MYLK: variants seen among roughly 807,000 people sequenced by gnomAD.
MYLK encodes the protein myosin light chain kinase, smooth muscle.
In MYLK, 106 loss-of-function variants were observed where a neutral mutation model predicts 203.4. The observed-to-expected ratio is 0.52, with a 90% CI of 0.45 to 0.61. The LOEUF (loss-of-function observed/expected upper bound fraction) is 0.61. Ranked by LOEUF, MYLK falls within the 20% of genes least tolerant of loss-of-function variation. MYLK has a pLI of 0.00. For missense variants in MYLK, 2,072 were observed against 2,442.3 expected (o/e 0.85, Z 3.20); for synonymous variants, 867 against 959.5 (o/e 0.90, Z 1.78).
rs140650595 is a variant in MYLK at position 123,632,401 on chromosome 3, C to A, written c.4962-2775G>T. Among the ~76,000 whole-genome samples the A allele has an allele frequency of 9.2e-5, 14 of 152,286 alleles. No homozygotes were observed. In the East Asian group the frequency reaches 2.7e-3, roughly 29 times the overall value. On this transcript the variant is annotated intron_variant, in intron 29 of 33. Coordinates refer to ENST00000360304, the MANE Select transcript of MYLK (RefSeq NM_053025.4). Reference sequence around the variant, plus strand: ...AAGATGGCAGGAAAAGCAAACAACCCTGCTGTGGAATGCAGAAAGTTCCCC... The same window carrying A: ...AAGATGGCAGGAAAAGCAAACAACCATGCTGTGGAATGCAGAAAGTTCCCC...
chr3:123,634,168 A>G (rs1267858987), intron 29 of MYLK, among the ~76,000 whole-genome samples: 2 of 152,194 alleles, frequency 1.3e-5, no homozygotes, highest in Admixed American at 6.5e-5. Context: ...AGAGCTGTGC[A>G]TCATTTTGTG....
intron 20 of MYLK, among the ~76,000 whole-genome samples, chr3:123,667,405 C>T (rs574788734): frequency 6.6e-6 from 1 of 152,112 alleles, no homozygotes; most frequent in South Asian, 2.1e-4. Flanking sequence ...AGTTTGAGAC[C>T]AGCCTGGCCA....
At position 123,707,941 on chromosome 3, in the gene MYLK, C is replaced by G; in HGVS notation, c.2203G>C (p.Gly735Arg). Residue 735 changes from glycine (G) to arginine (R), a missense_variant, in exon 16 of 34, where the codon GGC becomes CGC. Physicochemically the swap from Gly to Arg is moderately radical, Grantham distance 125 (BLOSUM62 -2). Transcript: ENST00000360304. ...SKPRSVTASLGQSVLISCAIA... is the reference protein window; with the variant it reads ...SKPRSVTASLRQSVLISCAIA... ...GCGCAGGAGATGAGGACACTCTGGC[C>G]CAGGGAGGCTGTCACTGAGCGAGGC... 1 of 1,614,112 alleles carries G rather than the reference C, an allele frequency of 6.2e-7. No individual in the cohort carries two copies. Among genetic ancestry groups the G allele is most frequent in the Non-Finnish European group, 8.5e-7 (1 of 1,180,020 alleles).
chr3:123,734,971 T>G, intron 9 of MYLK: 2 of 302,712 alleles, frequency 6.6e-6, no homozygotes, highest in South Asian at 3.4e-5. Context: ...GTTCGTGTGG[T>G]TTAAGCCCTC....
chr3:123,701,505 G>T lies in MYLK; in HGVS notation c.2395C>A (p.Arg799=), dbSNP rs758281565. ...AGQYEILLKN[R]VGECSCQVSL... is the part of the protein sequence containing the mutation. ...ACCTGGCAACTGCATTCGCCAACCCGGTTCCTGAAGAATTCCAAAGATCAA... is the reference window on the plus strand; with the variant it reads ...ACCTGGCAACTGCATTCGCCAACCCTGTTCCTGAAGAATTCCAAAGATCAA... Residue 799 remains arginine (R), a synonymous_variant, in exon 17 of 34, where the codon CGG becomes AGG. Coordinates refer to ENST00000360304, the MANE Select transcript of MYLK (RefSeq NM_053025.4). The T allele has an allele frequency of 1.4e-5, 22 of 1,613,688 alleles. No individual in the cohort carries two copies. Among genetic ancestry groups the T allele is most frequent in the Non-Finnish European group, 1.9e-5 (22 of 1,179,948 alleles).
chr3:123,659,260 G>A (rs1314880048), intron 23 of MYLK, among the ~76,000 whole-genome samples: 2 of 152,156 alleles, frequency 1.3e-5, no homozygotes, highest in Admixed American at 1.3e-4. Context: ...GGCCACAGTT[G>A]GAGTTGTGTG....
chr3:123,644,606 C>T (rs1238584363), intron 27 of MYLK: 2 of 152,412 alleles, frequency 1.3e-5, no homozygotes, highest in African/African-American at 4.8e-5. Flanking sequence ...TGCACCCTCT[C>T]AACTTGCTCA....
intron 3 of MYLK, chr3:123,831,311 T>C (rs768537816): frequency 9.1e-6 from 11 of 1,208,102 alleles, no homozygotes; most frequent in Non-Finnish European, 1.2e-5. Context: ...AATGATGATT[T>C]CCACCACCTT....
At chr3:123,709,915 G>C (rs1481813886) in intron 13 of MYLK, 22 bp from the exon 14 acceptor site, 2 of 1,613,364 alleles carry the variant, frequency 1.2e-6, no homozygotes, top group African/African-American at 2.7e-5. Flanking sequence ...AAAACAGAAC[G>C]TGGGGTGAAC....
intron 4 of MYLK, among the ~76,000 whole-genome samples, chr3:123,755,866 C>T (rs775477224): frequency 9.2e-5 from 14 of 152,178 alleles, no homozygotes; most frequent in African/African-American, 2.9e-4. Flanking sequence ...GCAGCTATGA[C>T]GGAGATGTCT....
At chr3:123,714,988 G>C (rs558631644) in intron 13 of MYLK, among the ~76,000 whole-genome samples, 1 of 152,254 alleles carries the variant, frequency 6.6e-6, no homozygotes, top group East Asian at 1.9e-4. Context: ...GGGAAGAACA[G>C]AGAGAAGAGA....
At chr3:123,731,410 T>C (rs1437727476) in intron 11 of MYLK, among the ~76,000 whole-genome samples, 1 of 152,234 alleles carries the variant, frequency 6.6e-6, no homozygotes, top group Non-Finnish European at 1.5e-5. Flanking sequence ...TTTGCATGTG[T>C]GTACACAGAT....
intron 30 of MYLK, among the ~76,000 whole-genome samples, chr3:123,627,203 C>T (rs2058189746): frequency 6.6e-6 from 1 of 152,186 alleles, no homozygotes; most frequent in Non-Finnish European, 1.5e-5. Context: ...CCATGGCCTG[C>T]TCTTGGGATC....
At chr3:123,846,158 CAG>C (rs1292118931) in intron 2 of MYLK, among the ~76,000 whole-genome samples, 1 of 152,190 alleles carries the variant, frequency 6.6e-6, no homozygotes, top group African/African-American at 2.4e-5. Flanking sequence ...AAAAGAACAT[CAG>C]ATACATTTGT....
At chr3:123,699,598 G>A (rs1032049868) in intron 18 of MYLK, among the ~76,000 whole-genome samples, 7 of 152,194 alleles carry the variant, frequency 4.6e-5, no homozygotes, top group Admixed American at 4.6e-4. Context: ...TTTACTCAGA[G>A]CTTCTCCCTG....
chr3:123,677,354 T>C (rs12108055), intron 20 of MYLK, among the ~76,000 whole-genome samples: 5 of 152,194 alleles, frequency 3.3e-5, no homozygotes, highest in African/African-American at 9.7e-5. Flanking sequence ...GGCCACATAT[T>C]TAACTACTGG....
chr3:123,734,302 A>G (rs2062600864), intron 9 of MYLK, 80 bp from the exon 10 acceptor site: 3 of 1,347,844 alleles, frequency 2.2e-6, no homozygotes, highest in South Asian at 3.1e-5. Flanking sequence ...CACAAATATT[A>G]CTCATCACAA....
intron 2 of MYLK, among the ~76,000 whole-genome samples, chr3:123,860,997 G>A (rs951990873): frequency 1.9e-4 from 29 of 152,052 alleles, no homozygotes. Flanking sequence ...GGGCATGGTG[G>A]CGGGCGCCTG....
chr3:123,872,409 C>T (rs1161112087), intron 2 of MYLK, among the ~76,000 whole-genome samples: 1 of 152,154 alleles, frequency 6.6e-6, no homozygotes, highest in Non-Finnish European at 1.5e-5. Context: ...ACACTATCAA[C>T]CTTGAGTTAG....
Sources: allele counts gnomAD v4.1 joint callset (sites outside exome capture counted in the v4.1 genomes callset), GRCh38; gene constraint gnomAD v4.1.1; transcripts MANE v1.5; gene names NCBI Gene and HGNC (gene_info 2026-07-23, HGNC 2026-07-21).